The following FRK variants were observed in gnomAD, a reference collection of about 807,000 sequenced individuals.
FRK encodes tyrosine-protein kinase FRK.
A neutral mutation model predicts 56.4 loss-of-function variants in FRK; 51 were observed. The observed-to-expected ratio is 0.90, with a 90% CI of 0.72 to 1.14. FRK has a LOEUF of 1.14. Among genes scored for constraint, FRK ranks in the 50% most tolerant of loss-of-function variants. FRK has a pLI of 0.00. For synonymous variants in FRK, 245 were observed against 217.9 expected, an observed-to-expected ratio of 1.12 and a Z score of -1.10; for missense variants, 570 against 601.4, an observed-to-expected ratio of 0.95 and a Z score of 0.55.
chr6:115,968,812 A>G (rs1773693559), intron 2 of FRK, 73 bp from the exon 3 acceptor site: 2 of 1,212,286 alleles, frequency 1.6e-6, no homozygotes, highest in African/African-American at 1.5e-5. Context: ...TTGTGGTGAC[A>G]TTTTCAATGC....
chr6:116,058,619 A>T lies in FRK; in HGVS notation c.344+1349T>A, dbSNP rs1777484874. ...TATTAAGAAACCATTCTATAAAATG[A>T]GTCCATTTTGGCCGGGCGCGGTGGC... is the stretch of plus-strand genomic sequence containing the variant. On this transcript the variant is annotated intron_variant, in intron 1 of 7. Transcript: ENST00000606080. 1.3e-5 allele frequency among the ~76,000 whole-genome samples: 2 copies of T among 151,792 alleles called. 1 individual carries two copies. The highest frequency in any genetic ancestry group is 4.2e-4 in the South Asian group (2 of 4,808).
chr6:115,945,330 C>T (rs376612693), intron 5 of FRK, among the ~76,000 whole-genome samples: 24 of 152,154 alleles, frequency 1.6e-4, no homozygotes, highest in African/African-American at 5.1e-4. Context: ...CTCCTACGAA[C>T]AGTGTACAAG....
chr6:116,069,806 A>G, the FRK span, among the ~76,000 whole-genome samples: 1 of 152,136 alleles, frequency 6.6e-6, no homozygotes, highest in Non-Finnish European at 1.5e-5. Context: ...CACCTTTGAC[A>G]CAAAGCATCA....
Position 115,936,982 on chromosome 6 carries a change from A to C in FRK, c.*5432T>G, listed in dbSNP as rs1320645597. The C allele has an allele frequency of 6.6e-6, 1 of 152,192 alleles. No individual in the cohort carries two copies. Among genetic ancestry groups the C allele is most frequent in the African/African-American group, 2.4e-5 (1 of 41,444 alleles). 9.4% of individuals were successfully genotyped at this position (152,192 alleles called of 1,614,324 possible). A position where few individuals can be genotyped will look rare whatever the true frequency, so the allele number is the denominator to read the frequency against. ...ATTAAGGAAATACAGAGAACGCCAC[A>C]AAGATACTCCTCGAGCAGAGCAACC... On this transcript the variant is annotated 3_prime_UTR_variant, in exon 8 of 8. Coordinates refer to ENST00000606080, the MANE Select transcript of FRK (RefSeq NM_002031.3).
intron 2 of FRK, among the ~76,000 whole-genome samples, chr6:115,970,147 A>G (rs1324318658): frequency 1.3e-5 from 2 of 151,964 alleles, no homozygotes; most frequent in African/African-American, 2.4e-5. Flanking sequence ...TTTTTTTTCA[A>G]AAACAGGAAT....
chr6:116,055,370 T>C lies in FRK; in HGVS notation c.344+4598A>G, dbSNP rs1467216141. Among the ~76,000 whole-genome samples the C allele has an allele frequency of 2.6e-5, 4 of 152,364 alleles. No homozygotes were observed. The East Asian group carries it at 7.7e-4, about 29-fold the overall frequency. ...CAAGTTACAAATATTTATTCTTGCT[T>C]TCTTTTTCAAGGAAGCCACTGAAAT... On this transcript the variant is annotated intron_variant, in intron 1 of 7. Coordinates refer to ENST00000606080, the MANE Select transcript of FRK (RefSeq NM_002031.3).
intron 1 of FRK, among the ~76,000 whole-genome samples, chr6:116,036,018 TC>T: frequency 6.6e-6 from 1 of 152,226 alleles, no homozygotes; most frequent in East Asian, 1.9e-4. Context: ...ACCTCTAAGT[TC>T]CATTAAAAGT....
At chr6:115,980,998 T>C (rs560265956) in intron 2 of FRK, among the ~76,000 whole-genome samples, 1 of 152,254 alleles carries the variant, frequency 6.6e-6, no homozygotes, top group East Asian at 1.9e-4. Context: ...TGTTTCAGCA[T>C]TATATGCTGA....
chr6:115,966,766 TC>T (rs1773596274), intron 4 of FRK, among the ~76,000 whole-genome samples: 1 of 152,186 alleles, frequency 6.6e-6, no homozygotes, highest in African/African-American at 2.4e-5. Context: ...AAATGTGAGT[TC>T]AAATCCCAGC....
In FRK at chr6:116,042,002, A is replaced by T. The variant is rs912118255; in HGVS notation, c.344+17966T>A. 3.3e-5 allele frequency among the ~76,000 whole-genome samples: 5 copies of T among 152,214 alleles called. No homozygotes were observed. In the East Asian group the frequency reaches 9.6e-4, roughly 29 times the overall value. ...CAGCAAGCTAAGATCCACTGACATG[A>T]AATTCTTACTGCCAGCACAGCAGTC... On this transcript the variant is annotated intron_variant, in intron 1 of 7. Transcript: ENST00000606080.
intron 2 of FRK, among the ~76,000 whole-genome samples, chr6:115,973,376 G>A (rs531295787): frequency 6.6e-6 from 1 of 152,272 alleles, no homozygotes; most frequent in South Asian, 2.1e-4. Flanking sequence ...CATGGACACA[G>A]GGAGGGGAGC....
At chr6:116,037,152 C>T (rs1393243100) in intron 1 of FRK, among the ~76,000 whole-genome samples, 1 of 152,098 alleles carries the variant, frequency 6.6e-6, no homozygotes, top group Non-Finnish European at 1.5e-5. Flanking sequence ...TTTGGTTTTA[C>T]CACCTTTAAA....
At chr6:116,078,460 C>A in the FRK span, among the ~76,000 whole-genome samples, 1 of 152,148 alleles carries the variant, frequency 6.6e-6, no homozygotes, top group Admixed American at 6.5e-5. Flanking sequence ...GACACATAGA[C>A]TCCTAATAGC....
At chr6:116,020,998 A>G (rs1775855320) in intron 1 of FRK, among the ~76,000 whole-genome samples, 1 of 152,170 alleles carries the variant, frequency 6.6e-6, no homozygotes, top group Non-Finnish European at 1.5e-5. Context: ...GGACTAATAA[A>G]AGTTCAGTGG....
chr6:115,998,945 T>C (rs771128006), intron 2 of FRK, among the ~76,000 whole-genome samples: 7 of 152,178 alleles, frequency 4.6e-5, no homozygotes, highest in Non-Finnish European at 1.0e-4. Flanking sequence ...TACTACTCTG[T>C]AGGCTTTTAC....
At chr6:115,953,736 A>C (rs1772882927) in intron 5 of FRK, among the ~76,000 whole-genome samples, 1 of 152,210 alleles carries the variant, frequency 6.6e-6, no homozygotes, top group Admixed American at 6.5e-5. Flanking sequence ...GATCTTTTCA[A>C]GCTAATACCA....
intron 2 of FRK, among the ~76,000 whole-genome samples, chr6:115,979,433 A>G (rs543921662): frequency 6.6e-6 from 1 of 152,204 alleles, no homozygotes; most frequent in East Asian, 1.9e-4. Flanking sequence ...TTTGTTTTAC[A>G]CTGTTATTAC....
the FRK span, among the ~76,000 whole-genome samples, chr6:116,068,569 G>A: frequency 1.3e-5 from 2 of 152,054 alleles, no homozygotes; most frequent in Non-Finnish European, 1.5e-5. Flanking sequence ...GAGGTGTGTT[G>A]GCATGCCATG....
chr6:115,959,386 C>A (rs146075510), intron 4 of FRK, among the ~76,000 whole-genome samples: 1 of 151,986 alleles, frequency 6.6e-6, no homozygotes. Context: ...TAGAGAACAA[C>A]GTTAGGAAGG....
Sources: gnomAD v4.1 joint callset for allele counts (sites outside exome capture counted in the v4.1 genomes callset) on GRCh38, gnomAD v4.1.1 for gene constraint, MANE v1.5 for transcripts, NCBI Gene and HGNC (gene_info 2026-07-23, HGNC 2026-07-21) for gene names.